DMRT1: variants seen among roughly 807,000 people sequenced by gnomAD.
DMRT1 encodes the protein doublesex- and mab-3-related transcription factor 1.
DMRT1 carries 7 observed loss-of-function variants against 32.3 expected under a neutral mutation model. That is an observed-to-expected ratio of 0.22 (90% CI 0.12 to 0.41). DMRT1 has a LOEUF of 0.41. Among genes scored for constraint, DMRT1 ranks in the 10% least tolerant of loss-of-function variants. DMRT1 has a pLI of 1.00. For synonymous variants in DMRT1, 278 were observed against 206.1 expected (o/e 1.35, Z -2.99); for missense variants, 625 against 500.5 (o/e 1.25, Z -2.37).
At chr9:898,276 C>T (rs866774420) in intron 3 of DMRT1, among the ~76,000 whole-genome samples, 98 of 152,230 alleles carry the variant, frequency 6.4e-4, no homozygotes, top group African/African-American at 2.2e-3. Flanking sequence ...TGTGCCACCA[C>T]GCCCGGCTAA....
At chr9:916,101 AC>A (rs1818171606) in intron 3 of DMRT1, among the ~76,000 whole-genome samples, 1 of 152,212 alleles carries the variant, frequency 6.6e-6, no homozygotes, top group African/African-American at 2.4e-5. Flanking sequence ...CCAGTTTTGC[AC>A]ATGAAGAAAC....
At chr9:953,433 G>C (rs539246052) in intron 4 of DMRT1, among the ~76,000 whole-genome samples, 1 of 152,162 alleles carries the variant, frequency 6.6e-6, no homozygotes, top group African/African-American at 2.4e-5. Context: ...GAAATGATCT[G>C]TTTCACATAC....
Position 842,235 on chromosome 9 carries a change from T to TTC in DMRT1, c.354+44_354+45insCT. The TTC allele has an allele frequency of 6.3e-6, 9 of 1,438,002 alleles. No individual in the cohort carries two copies. The African/African-American group carries it at 1.2e-4, about 19-fold the overall frequency. 89.1% of individuals were successfully genotyped at this position (1,438,002 alleles called of 1,614,324 possible). On this transcript the variant is annotated intron_variant, in intron 1 of 4. Transcript: ENST00000382276. ...GGAGCCCGGGTTCAGCCTTAGTTTT[T>TTC]TTTTTTTTTTTTTTTTTTAGATGGA... is the stretch of plus-strand genomic sequence containing the variant.
At chr9:905,088 T>C (rs576553760) in intron 3 of DMRT1, among the ~76,000 whole-genome samples, 1 of 152,342 alleles carries the variant, frequency 6.6e-6, no homozygotes, top group African/African-American at 2.4e-5. Context: ...TCACAACTAT[T>C]GTTTAGAATT....
rs778290170 is a variant in DMRT1, at chr9:842,013, G to C, written c.175G>C (p.Gly59Arg). The change falls in exon 1 of 5, where the codon GGG becomes CGG. Residue 59 changes from glycine to arginine, a missense_variant. Coordinates refer to ENST00000382276, the MANE Select transcript of DMRT1 (RefSeq NM_021951.3). ...GSSRGGGSGS[G>R]ASDLGAGSKK... The stretch of plus-strand genomic sequence containing the variant: ...CAGCAGAGGAGGCGGCTCCGGCTCC[G>C]GGGCGTCGGACCTGGGTGCCGGGAG... The C allele has an allele frequency of 7.7e-6, 12 of 1,552,422 alleles. No homozygotes were observed. Among genetic ancestry groups the C allele is most frequent in the Admixed American group, 1.9e-5 (1 of 51,722 alleles).
intron 3 of DMRT1, among the ~76,000 whole-genome samples, chr9:897,700 A>G (rs1005392972): frequency 1.2e-4 from 19 of 152,216 alleles, no homozygotes; most frequent in African/African-American, 4.3e-4. Flanking sequence ...ATGTTTGTTC[A>G]TTATAACTGT....
intron 2 of DMRT1, among the ~76,000 whole-genome samples, chr9:860,911 G>C (rs1474225135): frequency 1.3e-5 from 2 of 152,226 alleles, no homozygotes; most frequent in Admixed American, 6.5e-5. Context: ...GGTGACACCA[G>C]TGGGGTTGTG....
intron 1 of DMRT1, among the ~76,000 whole-genome samples, chr9:845,598 C>T (rs939289835): frequency 1.3e-5 from 2 of 152,160 alleles, no homozygotes; most frequent in Admixed American, 1.3e-4. Context: ...TTCTGGCTCT[C>T]TTCTTCCTGT....
chr9:857,678 A>T (rs2132567611), intron 2 of DMRT1, among the ~76,000 whole-genome samples: 1 of 151,810 alleles, frequency 6.6e-6, no homozygotes, highest in African/African-American at 2.4e-5. Flanking sequence ...CACAACGTGC[A>T]GGTTAGTTAC....
At chr9:843,484 G>C (rs6477293) in intron 1 of DMRT1, among the ~76,000 whole-genome samples, 4 of 152,130 alleles carry the variant, frequency 2.6e-5, no homozygotes, top group African/African-American at 9.7e-5. Context: ...GAATTTTAAA[G>C]AATATGCGCA....
rs1818597331 is a variant in DMRT1 at position 928,389 on chromosome 9, A to T, written c.967+11482A>T. Among the ~76,000 whole-genome samples, 2 of 152,186 alleles carry T rather than the reference A, an allele frequency of 1.3e-5. 1 individual carries two copies. The highest frequency in any genetic ancestry group is 3.9e-4 in the East Asian group (2 of 5,194). Reference sequence around the variant, plus strand: ...TGAATCCAGGGTCTCTCCCCCATGTATACTTGCATAAAATCTGGGTTAGGG... The same window carrying T: ...TGAATCCAGGGTCTCTCCCCCATGTTTACTTGCATAAAATCTGGGTTAGGG... On this transcript the variant is annotated intron_variant, in intron 4 of 4. Transcript: ENST00000382276.
At chr9:909,060 G>T (rs1373067331) in intron 3 of DMRT1, among the ~76,000 whole-genome samples, 2 of 152,016 alleles carry the variant, frequency 1.3e-5, no homozygotes, top group Admixed American at 6.6e-5. Context: ...TGCCTGCCTC[G>T]GTTCTTTCCT....
chr9:928,268 TCATCTG>T, intron 4 of DMRT1, among the ~76,000 whole-genome samples: 1 of 152,336 alleles, frequency 6.6e-6, no homozygotes, highest in South Asian at 2.1e-4. Flanking sequence ...AGTCCCATGA[TCATCTG>T]CTTAACACAC....
At chr9:851,185 C>G (rs762571354) in intron 2 of DMRT1, among the ~76,000 whole-genome samples, 16 of 152,190 alleles carry the variant, frequency 1.1e-4, no homozygotes, top group Non-Finnish European at 1.9e-4. Context: ...TTTCTAATAC[C>G]TGATGTCTAG....
At chr9:890,923 T>C (rs1482472760) in intron 2 of DMRT1, among the ~76,000 whole-genome samples, 1 of 148,326 alleles carries the variant, frequency 6.7e-6, no homozygotes, top group Non-Finnish European at 1.5e-5. Flanking sequence ...GGAGACGGGG[T>C]TTCACCATGT....
intron 4 of DMRT1, among the ~76,000 whole-genome samples, chr9:923,247 C>G (rs1818412865): frequency 6.6e-6 from 1 of 152,188 alleles, no homozygotes; most frequent in Admixed American, 6.5e-5. Context: ...TGGGAGCACC[C>G]TGAGATCTAC....
rs138939074 is a variant in DMRT1, at chr9:843,774, A to C, written c.354+1582A>C. On this transcript the variant is annotated intron_variant, in intron 1 of 4. Transcript: ENST00000382276. The stretch of plus-strand genomic sequence containing the variant: ...GTGTAAATATCCTCCATTGAAAACA[A>C]ATGCCCGAAGGTTATATGCTTTTAT... 7.2e-5 allele frequency among the ~76,000 whole-genome samples: 11 copies of C among 152,366 alleles called. No homozygotes were observed. The East Asian group carries it at 1.9e-3, about 27-fold the overall frequency.
At chr9:931,367 A>G (rs1407191686) in intron 4 of DMRT1, among the ~76,000 whole-genome samples, 1 of 152,222 alleles carries the variant, frequency 6.6e-6, no homozygotes, top group Non-Finnish European at 1.5e-5. Context: ...TCAACATACA[A>G]ATGTAATGAG....
intron 2 of DMRT1, among the ~76,000 whole-genome samples, chr9:879,347 C>T (rs772524218): frequency 4.6e-5 from 7 of 151,916 alleles, no homozygotes; most frequent in Admixed American, 1.3e-4. Context: ...TCTTAGCATA[C>T]GTAACATACT....
Sources: gnomAD v4.1 joint callset for allele counts (sites outside exome capture counted in the v4.1 genomes callset) on GRCh38, gnomAD v4.1.1 for gene constraint, MANE v1.5 for transcripts, NCBI Gene and HGNC (gene_info 2026-07-23, HGNC 2026-07-21) for gene names.